Variants in LGR4 observed in about 807,000 individuals in gnomAD.
LGR4 encodes the protein leucine rich repeat containing G protein-coupled receptor 4.
Under a neutral mutation model 84.8 loss-of-function variants are expected in LGR4, and 44 were observed. The ratio of observed to expected loss-of-function variants is 0.52; its 90% CI spans 0.41 to 0.67. The LOEUF (loss-of-function observed/expected upper bound fraction) is 0.67, where lower values mean the gene tolerates loss of function less well. Among genes scored for constraint, LGR4 ranks in the 30% least tolerant of loss-of-function variants. The pLI, the probability that LGR4 is intolerant of heterozygous loss-of-function variation, is 0.00. For synonymous variants in LGR4, 429 were observed against 434.3 expected (o/e 0.99, Z 0.15); for missense variants, 1,032 against 1,131.4 (o/e 0.91, Z 1.26).
In LGR4 at chr11:27,432,023, ACATCC is replaced by A. The variant is rs1358641783; in HGVS notation, c.186-19168_186-19164del. ...CTATGCACATTGATTGTAATATGTC[ACATCC>A]TGCCGGTTATTATCCCCAGCAGGAT... On this transcript the variant is annotated intron_variant, in intron 1 of 17. Coordinates refer to ENST00000379214, the MANE Select transcript of LGR4 (RefSeq NM_018490.5). 9.1e-4 allele frequency among the ~76,000 whole-genome samples: 138 copies of A among 152,314 alleles called. No individual in the cohort carries two copies. The Middle Eastern group carries it at 0.017, about 19-fold the overall frequency.
At chr11:27,440,683 C>T (rs4539269) in intron 1 of LGR4, among the ~76,000 whole-genome samples, 1 of 151,968 alleles carries the variant, frequency 6.6e-6, no homozygotes, top group Non-Finnish European at 1.5e-5. Context: ...CTTTATTTTT[C>T]ACTAAGAAGT....
chr11:27,392,384 A>G (rs1044977036), intron 3 of LGR4, 63 bp downstream of exon 3: 7 of 1,282,100 alleles, frequency 5.5e-6, no homozygotes, highest in Non-Finnish European at 7.6e-6. Flanking sequence ...AGTTCCAAGC[A>G]TGTTGACTAC....
At chr11:27,438,919 A>G (rs1490755635) in intron 1 of LGR4, among the ~76,000 whole-genome samples, 1 of 152,118 alleles carries the variant, frequency 6.6e-6, no homozygotes, top group African/African-American at 2.4e-5. Context: ...CTTTTAATCA[A>G]TCTCAGTAAA....
intron 1 of LGR4, among the ~76,000 whole-genome samples, chr11:27,426,327 T>C (rs1864024905): frequency 6.6e-6 from 1 of 152,224 alleles, no homozygotes; most frequent in African/African-American, 2.4e-5. Flanking sequence ...AGTAAGGTTT[T>C]CATTTAAATA....
Position 27,385,459 on chromosome 11 carries a change from A to T in LGR4, c.411T>A (p.Asp137Glu). The T allele has an allele frequency of 6.2e-7, 1 of 1,601,624 alleles. No homozygotes were observed. Among genetic ancestry groups the T allele is most frequent in the South Asian group, 1.1e-5 (1 of 88,458 alleles). The change falls in exon 5 of 18, where the codon GAT becomes GAA. Residue 137 changes from aspartate to glutamate, a missense_variant. By Grantham distance (45) the Asp-to-Glu change is conservative. Coordinates refer to ENST00000379214, the MANE Select transcript of LGR4 (RefSeq NM_018490.5). ...GLSALQSLRL[D>E]ANHITSVPED... ...CGGGGACTGAGGTAATATGGTTGGC[A>T]TCTAAACGCCTAACAGAAACAAAAA...
At chr11:27,382,093 G>A (rs1329534591) in intron 7 of LGR4, 95 bp downstream of exon 7, 12 of 816,048 alleles carry the variant, frequency 1.5e-5, no homozygotes, top group African/African-American at 3.4e-5. Flanking sequence ...ATGGATATAC[G>A]TAATGGAACA....
In LGR4 at chr11:27,430,322, C is replaced by T. The variant is rs530772360; in HGVS notation, c.186-17462G>A. Among the ~76,000 whole-genome samples, 11 of 152,220 alleles carry T rather than the reference C, an allele frequency of 7.2e-5. No individual in the cohort carries two copies. The South Asian group carries it at 2.3e-3, about 32-fold the overall frequency. ...GCCAACAATTAAGCAATGACACACA[C>T]AGATTATACTCCACGTTAACAGGGC... On this transcript the variant is annotated intron_variant, in intron 1 of 17. Coordinates refer to ENST00000379214, the MANE Select transcript of LGR4 (RefSeq NM_018490.5).
intron 2 of LGR4, among the ~76,000 whole-genome samples, chr11:27,407,207 G>T (rs1205047782): frequency 6.6e-6 from 1 of 152,042 alleles, no homozygotes. Flanking sequence ...TCACAAATTT[G>T]GTCAGCAAAC....
At chr11:27,441,030 A>G (rs1369525173) in intron 1 of LGR4, among the ~76,000 whole-genome samples, 1 of 152,200 alleles carries the variant, frequency 6.6e-6, no homozygotes, top group African/African-American at 2.4e-5. Flanking sequence ...CAAGGCAGGT[A>G]GGGTTGGGAG....
chr11:27,438,308 A>T (rs1257124584), intron 1 of LGR4, among the ~76,000 whole-genome samples: 1 of 152,238 alleles, frequency 6.6e-6, no homozygotes, highest in Non-Finnish European at 1.5e-5. Flanking sequence ...TAAGACATTT[A>T]TACTCTTCTG....
Position 27,392,503 on chromosome 11 carries a change from G to C in LGR4, c.273C>G (p.Asn91Lys), listed in dbSNP as rs370663209. 2.5e-6 allele frequency: 4 copies of C among 1,580,238 alleles called. No individual in the cohort carries two copies. Among genetic ancestry groups the C allele is most frequent in the Non-Finnish European group, 3.4e-6 (4 of 1,167,354 alleles). The stretch of plus-strand genomic sequence containing the variant: ...CCTTTGGGTGGATAAAAGAAAGGTC[G>C]TTGCCCGCCAATTGTCTAGAGAAAA... ...PFLEELQLAG[N>K]DLSFIHPKAL... The change falls in exon 3 of 18, where the codon AAC becomes AAG. Residue 91 changes from asparagine (N) to lysine (K), a missense_variant. Coordinates refer to ENST00000379214, the MANE Select transcript of LGR4 (RefSeq NM_018490.5).
At chr11:27,370,825 A>G (rs1198020459) in intron 17 of LGR4, among the ~76,000 whole-genome samples, 2 of 152,134 alleles carry the variant, frequency 1.3e-5, no homozygotes, top group East Asian at 3.9e-4. Context: ...CTGCACCCCA[A>G]CCTTTAAAAA....
At chr11:27,392,139 G>C (rs1003927759) in intron 3 of LGR4, among the ~76,000 whole-genome samples, 2 of 152,070 alleles carry the variant, frequency 1.3e-5, no homozygotes, top group African/African-American at 4.8e-5. Context: ...AAAATAAGTA[G>C]AAACAAAACC....
chr11:27,415,530 T>G (rs1863800253), intron 1 of LGR4, among the ~76,000 whole-genome samples: 1 of 152,150 alleles, frequency 6.6e-6, no homozygotes, highest in Admixed American at 6.6e-5. Flanking sequence ...GAGCTGTAAA[T>G]GCAATTAGTG....
intron 1 of LGR4, among the ~76,000 whole-genome samples, chr11:27,414,586 G>A (rs7926993): frequency 0.44 from 66,231 of 151,422 alleles, 17,329 homozygotes; most frequent in African/African-American, 0.75. Context: ...TACTAAAGGA[G>A]CTTAAAAGAA....
At chr11:27,440,273 G>A (rs1864284271) in intron 1 of LGR4, among the ~76,000 whole-genome samples, 2 of 152,076 alleles carry the variant, frequency 1.3e-5, no homozygotes, top group African/African-American at 4.8e-5. Context: ...GGAGCACATG[G>A]GAAGGAATAC....
intron 1 of LGR4, among the ~76,000 whole-genome samples, chr11:27,423,682 A>T (rs1473171016): frequency 1.3e-5 from 2 of 152,244 alleles, no homozygotes; most frequent in South Asian, 2.1e-4. Context: ...TCAGCAGAGA[A>T]GAGGCTATGC....
At chr11:27,416,166 T>C (rs1863812512) in intron 1 of LGR4, among the ~76,000 whole-genome samples, 1 of 152,038 alleles carries the variant, frequency 6.6e-6, no homozygotes, top group Admixed American at 6.6e-5. Flanking sequence ...CAAATGTAAA[T>C]ATATATCATA....
chr11:27,367,823 C>G lies in LGR4; in HGVS notation c.*44G>C, dbSNP rs767695666. On this transcript the variant is annotated 3_prime_UTR_variant, in exon 18 of 18. Coordinates refer to ENST00000379214, the MANE Select transcript of LGR4 (RefSeq NM_018490.5). ...ATGAGAATAGGGTTCACTCTATAAA[C>G]ACTGATTTTGGTTGACGGGGGAAAC... The G allele has an allele frequency of 1.4e-6, 2 of 1,418,844 alleles. No individual in the cohort carries two copies. Among genetic ancestry groups the G allele is most frequent in the East Asian group, 4.6e-5 (2 of 43,860 alleles). 87.9% of individuals were successfully genotyped at this position (1,418,844 alleles called of 1,614,324 possible).
Sources: allele counts gnomAD v4.1 joint callset (sites outside exome capture counted in the v4.1 genomes callset), GRCh38; gene constraint gnomAD v4.1.1; transcripts MANE v1.5; gene names NCBI Gene and HGNC (gene_info 2026-07-23, HGNC 2026-07-21).